The following KCNB2 variants were observed in gnomAD, a reference collection of about 807,000 sequenced individuals.
KCNB2 encodes the protein potassium voltage-gated channel subfamily B member 2.
In KCNB2, 15 loss-of-function variants were observed where a neutral mutation model predicts 61.5. The ratio of observed to expected loss-of-function variants is 0.24; its 90% confidence interval spans 0.16 to 0.38. The LOEUF is 0.38. KCNB2 is among the 10% of genes least tolerant of loss of function. The probability of loss-of-function intolerance (pLI) is 1.00; values close to 1 mark genes in which losing one functional copy is unlikely to be tolerated. For missense variants in KCNB2, 828 were observed against 1,125.2 expected (o/e 0.74, Z 3.78); for synonymous variants, 457 against 446.0 (o/e 1.02, Z -0.31).
intron 2 of KCNB2, among the ~76,000 whole-genome samples, chr8:72,758,513 GA>G (rs1808328710): frequency 1.3e-5 from 2 of 152,182 alleles, no homozygotes; most frequent in South Asian, 4.1e-4. Flanking sequence ...TCACAATTAT[GA>G]AAATTAATCC....
chr8:72,738,911 G>A lies in KCNB2; in HGVS notation c.579+170598G>A, dbSNP rs368299734. 6.4e-4 allele frequency among the ~76,000 whole-genome samples: 97 copies of A among 152,210 alleles called. 1 individual carries two copies. The highest frequency in any genetic ancestry group is 2.3e-3 in the African/African-American group (94 of 41,520). ...GGGCATCTGGGAACATTTTGACATA[G>A]GATGTAGTTTTCATTTTGACATCAA... On this transcript the variant is annotated intron_variant, in intron 2 of 2. Transcript: ENST00000523207.
chr8:72,729,362 G>A (rs1807703277), intron 2 of KCNB2, among the ~76,000 whole-genome samples: 1 of 152,212 alleles, frequency 6.6e-6, no homozygotes, highest in Non-Finnish European at 1.5e-5. Flanking sequence ...AGAGGACCCT[G>A]AAGGTTAAAA....
In KCNB2 at chr8:72,936,680, G is replaced by A. The variant is rs758557585; in HGVS notation, c.1325G>A (p.Arg442Gln). The change falls in exon 3 of 3, where the codon CGG becomes CAG. Residue 442 changes from arginine (R) to glutamine (Q), a missense_variant. Arg to Gln is a conservative substitution (Grantham distance 43, BLOSUM62 1). Around this residue, in one of 4 missense-constraint regions of KCNB2, gnomAD observed 559 missense variants for 588.4 expected, o/e 0.95. Coordinates refer to ENST00000523207, the MANE Select transcript of KCNB2 (RefSeq NM_004770.3). The surrounding 1 kb of genome is among the most constrained non-coding windows in gnomAD (Gnocchi z 5.6). Reference sequence around the variant, plus strand: ...ATTAAAAGGAGGGAGGCTCTTGAGCGGGCCAAAAGGAACGGAAGCATCGTT... The same window carrying A: ...ATTAAAAGGAGGGAGGCTCTTGAGCAGGCCAAAAGGAACGGAAGCATCGTT... ...KAIKRREALERAKRNGSIVSM... is the reference protein window; with the variant it reads ...KAIKRREALEQAKRNGSIVSM... The A allele has an allele frequency of 6.2e-6, 10 of 1,614,036 alleles. No individual in the cohort carries two copies. The highest frequency in any genetic ancestry group is 3.3e-5 in the South Asian group (3 of 91,082).
chr8:72,613,745 G>T (rs1220720271), intron 2 of KCNB2, among the ~76,000 whole-genome samples: 2 of 152,176 alleles, frequency 1.3e-5, no homozygotes, highest in African/African-American at 4.8e-5. Context: ...GTTAAACAGT[G>T]CACTTGTTAG....
At chr8:72,781,299 G>A (rs1331155879) in intron 2 of KCNB2, among the ~76,000 whole-genome samples, 1 of 152,130 alleles carries the variant, frequency 6.6e-6, no homozygotes, top group East Asian at 1.9e-4. Context: ...CCGTGCCTAT[G>A]TCCTGAATGT....
At chr8:72,545,513 A>G (rs1424678030) in intron 1 of KCNB2, among the ~76,000 whole-genome samples, 1 of 152,148 alleles carries the variant, frequency 6.6e-6, no homozygotes, top group Non-Finnish European at 1.5e-5. Flanking sequence ...CCCATATAAG[A>G]TGGTAAACTT....
At chr8:72,788,592 G>A (rs909752227) in intron 2 of KCNB2, among the ~76,000 whole-genome samples, 15 of 152,150 alleles carry the variant, frequency 9.9e-5, no homozygotes, top group African/African-American at 3.6e-4. Flanking sequence ...CTTATAAAAA[G>A]TAGAGTAGCC....
chr8:72,562,634 C>T (rs1806555791), intron 1 of KCNB2, among the ~76,000 whole-genome samples: 1 of 152,106 alleles, frequency 6.6e-6, no homozygotes. Context: ...AGGTCTCAAA[C>T]AAAAGTGCCT....
chr8:72,732,162 G>A (rs1346351707), intron 2 of KCNB2: 3 of 152,222 alleles, frequency 2.0e-5, no homozygotes, highest in African/African-American at 7.2e-5. Flanking sequence ...TTGGCCTTGG[G>A]AGTTGAGCTG....
intron 2 of KCNB2, among the ~76,000 whole-genome samples, chr8:72,642,158 G>T (rs1806065994): frequency 6.6e-6 from 1 of 152,102 alleles, no homozygotes; most frequent in Non-Finnish European, 1.5e-5. Context: ...TGGCCAGTCT[G>T]CATTGAGCTA....
intron 2 of KCNB2, among the ~76,000 whole-genome samples, chr8:72,764,237 C>T (rs1431513022): frequency 6.6e-6 from 1 of 152,142 alleles, no homozygotes; most frequent in African/African-American, 2.4e-5. Context: ...GGATGATAGG[C>T]AACCAGCACC....
At position 72,827,393 on chromosome 8, in the gene KCNB2, G is replaced by A. The variant is rs191913646; in HGVS notation, c.580-108542G>A. On this transcript the variant is annotated intron_variant, in intron 2 of 2. Coordinates refer to ENST00000523207, the MANE Select transcript of KCNB2 (RefSeq NM_004770.3). ...GATATTTTTTAAACCAATATACTCT[G>A]CCATGGTGAAAAATTCCAACCAAAA... 1.5e-3 allele frequency among the ~76,000 whole-genome samples: 229 copies of A among 152,066 alleles called. 1 individual carries two copies. The highest frequency in any genetic ancestry group is 5.1e-3 in the African/African-American group (211 of 41,478).
At chr8:72,688,544 G>A (rs908896172) in intron 2 of KCNB2, among the ~76,000 whole-genome samples, 21 of 152,010 alleles carry the variant, frequency 1.4e-4, no homozygotes, top group Non-Finnish European at 1.0e-4. Flanking sequence ...GTGTTTGTCT[G>A]TCTCCCCACT....
intron 2 of KCNB2, among the ~76,000 whole-genome samples, chr8:72,935,385 C>T (rs1806879045): frequency 6.6e-6 from 1 of 152,184 alleles, no homozygotes; most frequent in Admixed American, 6.5e-5. Context: ...GGACAAAGGC[C>T]ATACTAACTT....
At chr8:72,569,543 G>A (rs1352528) in intron 2 of KCNB2, among the ~76,000 whole-genome samples, 83 of 152,174 alleles carry the variant, frequency 5.5e-4, no homozygotes, top group Non-Finnish European at 1.1e-3. Context: ...TATCTGTTGT[G>A]TATAACAAAG....
At chr8:72,610,930 T>C (rs1242143198) in intron 2 of KCNB2, among the ~76,000 whole-genome samples, 1 of 152,126 alleles carries the variant, frequency 6.6e-6, no homozygotes, top group African/African-American at 2.4e-5. Context: ...AAAATGATTT[T>C]GTCTCCAATC....
chr8:72,873,573 A>C (rs754162920), intron 2 of KCNB2, among the ~76,000 whole-genome samples: 3 of 152,234 alleles, frequency 2.0e-5, no homozygotes, highest in Non-Finnish European at 2.9e-5. Context: ...TTTGCTATCC[A>C]TAAGGGCCTC....
intron 2 of KCNB2, among the ~76,000 whole-genome samples, chr8:72,652,648 A>G (rs1806229942): frequency 1.3e-5 from 2 of 152,076 alleles, no homozygotes; most frequent in African/African-American, 4.8e-5. Flanking sequence ...TTTCATCAGT[A>G]TGCATTGATA....
intron 2 of KCNB2, chr8:72,661,347 G>A (rs1585813682): frequency 6.6e-6 from 1 of 152,134 alleles, no homozygotes; most frequent in Non-Finnish European, 1.5e-5. Flanking sequence ...CATATCAATT[G>A]TTTTCTTCAG....
Sources: allele counts gnomAD v4.1 joint callset (sites outside exome capture counted in the v4.1 genomes callset), GRCh38; gene constraint gnomAD v4.1.1; regional missense constraint gnomAD v4.1.1; non-coding constraint Gnocchi (gnomAD v3.1); transcripts MANE v1.5; gene names NCBI Gene and HGNC (gene_info 2026-07-23, HGNC 2026-07-21).